The following CNTNAP3B variants were observed in gnomAD, a reference collection of about 807,000 sequenced individuals.
CNTNAP3B encodes the protein contactin associated protein family member 3B, also known as contactin-associated protein-like 3B.
Under a neutral mutation model 108.9 loss-of-function variants are expected in CNTNAP3B, and 25 were observed. The observed-to-expected ratio is 0.23, with a 90% CI of 0.17 to 0.32. The LOEUF (loss-of-function observed/expected upper bound fraction) is 0.32, where lower values mean the gene tolerates loss of function less well. Ranked by LOEUF, CNTNAP3B falls within the 10% of genes least tolerant of loss-of-function variation. CNTNAP3B has a pLI of 1.00. For missense variants in CNTNAP3B, 252 were observed against 1,210.4 expected (o/e 0.21, Z 11.75); for synonymous variants, 103 against 473.4 (o/e 0.22, Z 10.16).
chr9:41,956,309 C>G (rs1473532765), intron 12 of CNTNAP3B, among the ~76,000 whole-genome samples: 4 of 151,656 alleles, frequency 2.6e-5, no homozygotes, highest in African/African-American at 9.7e-5. Flanking sequence ...TCATTTGAAC[C>G]CGGGAGGTGG....
intron 12 of CNTNAP3B, among the ~76,000 whole-genome samples, chr9:41,959,787 T>C (rs1293361198): frequency 2.6e-5 from 4 of 152,424 alleles, no homozygotes; most frequent in East Asian, 1.9e-4. Flanking sequence ...TTATCCTTGA[T>C]GCTTGCTGAC....
In CNTNAP3B at chr9:41,944,641, G is replaced by A. The variant is rs1335956923; in HGVS notation, c.2081-6241C>T. ...AATTCAGGAAAAAAAGAAGAAACAA[G>A]GGCAACAAATAAAAAAGAGTTACAA... is the stretch of plus-strand genomic sequence containing the variant. On this transcript the variant is annotated intron_variant, in intron 13 of 23. Transcript: ENST00000377561. Among the ~76,000 whole-genome samples, 27 of 151,620 alleles carry A rather than the reference G, an allele frequency of 1.8e-4. No individual in the cohort carries two copies. In the East Asian group the frequency reaches 4.3e-3, roughly 24 times the overall value.
chr9:41,954,146 G>T (rs1224651525), intron 12 of CNTNAP3B, among the ~76,000 whole-genome samples: 265 of 152,184 alleles, frequency 1.7e-3, no homozygotes, highest in African/African-American at 5.6e-3. Context: ...GGTGCTGTCT[G>T]GTCCTTTAAC....
At chr9:41,942,634 A>AT (rs1458399766) in intron 13 of CNTNAP3B, among the ~76,000 whole-genome samples, 11 of 150,642 alleles carry the variant, frequency 7.3e-5, no homozygotes, top group African/African-American at 2.7e-4. Flanking sequence ...AAATAAAAAC[A>AT]TTAAAAAAAA....
At chr9:42,035,427 G>C (rs1485673736) in intron 3 of CNTNAP3B, among the ~76,000 whole-genome samples, 1 of 145,842 alleles carries the variant, frequency 6.9e-6, no homozygotes, top group Admixed American at 6.8e-5. Flanking sequence ...CCTAACCTCA[G>C]GTTCCTAACT....
chr9:42,127,049 A>G (rs28667376), intron 1 of CNTNAP3B, among the ~76,000 whole-genome samples: 59,707 of 136,776 alleles, frequency 0.44, 17,490 homozygotes, highest in East Asian at 0.67. Flanking sequence ...AGGTGGTATA[A>G]TTATTATAGT....
chr9:42,115,388 A>G (rs1303526056), intron 1 of CNTNAP3B, among the ~76,000 whole-genome samples: 1 of 135,808 alleles, frequency 7.4e-6, no homozygotes, highest in Non-Finnish European at 1.6e-5. Flanking sequence ...ATGGAGTTTG[A>G]GATCTGAGAA....
chr9:42,114,938 C>G lies in CNTNAP3B; in HGVS notation c.86-10199G>C, dbSNP rs1306243321. 1.5e-5 allele frequency among the ~76,000 whole-genome samples: 2 copies of G among 135,170 alleles called. 1 individual carries two copies. The highest frequency in any genetic ancestry group is 6.0e-5 in the African/African-American group (2 of 33,582). 88.7% of individuals were successfully genotyped at this position (135,170 alleles called of 152,430 possible). A position where few individuals can be genotyped will look rare whatever the true frequency, so the allele number is the denominator to read the frequency against. ...GCATGGTAGCGGGAACTTGCAATCC[C>G]AGCTACTCGGGAGGCTGAGGCAGGA... On this transcript the variant is annotated intron_variant, in intron 1 of 23. Coordinates refer to ENST00000377561, the MANE Select transcript of CNTNAP3B (RefSeq NM_001201380.3).
At position 42,126,543 on chromosome 9, in the gene CNTNAP3B, C is replaced by T. The variant is rs536878965; in HGVS notation, c.85+2467G>A. Among the ~76,000 whole-genome samples the T allele has an allele frequency of 4.6e-4, 64 of 137,752 alleles. 6 individuals are homozygous for T. The highest frequency in any genetic ancestry group is 5.3e-4 in the Non-Finnish European group (34 of 64,576). The allele number at this position is 137,752 out of a possible 152,430, so 90.4% of individuals were successfully genotyped here. On this transcript the variant is annotated intron_variant, in intron 1 of 23. Coordinates refer to ENST00000377561, the MANE Select transcript of CNTNAP3B (RefSeq NM_001201380.3). ...CATTCAGATAAACTGCACATAATCCCCAAAATGCCAAATGTTTAGAGAGCT... is the reference window on the plus strand; with the variant it reads ...CATTCAGATAAACTGCACATAATCCTCAAAATGCCAAATGTTTAGAGAGCT...
At chr9:41,952,913 A>C (rs992292023) in intron 13 of CNTNAP3B, among the ~76,000 whole-genome samples, 1 of 151,928 alleles carries the variant, frequency 6.6e-6, no homozygotes, top group Non-Finnish European at 1.5e-5. Context: ...AAGCTAAGGC[A>C]TAAGTTATTA....
intron 9 of CNTNAP3B, chr9:41,979,705 A>G (rs1326202486): frequency 1.2e-5 from 1 of 80,556 alleles, no homozygotes; most frequent in African/African-American, 4.5e-5. Flanking sequence ...TCAGCCTCCC[A>G]AGTAGCTGGG....
intron 1 of CNTNAP3B, among the ~76,000 whole-genome samples, chr9:42,110,930 C>T (rs1828182403): frequency 7.1e-6 from 1 of 140,144 alleles, no homozygotes; most frequent in Non-Finnish European, 1.5e-5. Flanking sequence ...TCACAGTGAA[C>T]ATAAGCAGTG....
rs1216743129 is a variant in CNTNAP3B at position 41,934,156 on chromosome 9, T to TACAC, written c.2237+4084_2237+4087dup. On this transcript the variant is annotated intron_variant, in intron 14 of 23. Coordinates refer to ENST00000377561, the MANE Select transcript of CNTNAP3B (RefSeq NM_001201380.3). ...ATATATATATACACACACATATATA[T>TACAC]ACACACACACACATATATATACACA... 2.3e-5 allele frequency among the ~76,000 whole-genome samples: 3 copies of TACAC among 130,770 alleles called. No individual in the cohort carries two copies. The East Asian group carries it at 6.1e-4, about 27-fold the overall frequency. 85.8% of individuals were successfully genotyped at this position (130,770 alleles called of 152,430 possible).
intron 3 of CNTNAP3B, among the ~76,000 whole-genome samples, chr9:42,018,896 T>C (rs1459600792): frequency 1.3e-3 from 195 of 150,266 alleles, no homozygotes; most frequent in African/African-American, 4.2e-3. Context: ...CTCTAAACTC[T>C]TAGCATAGGA....
chr9:41,954,523 GA>G (rs1302353920), intron 12 of CNTNAP3B, among the ~76,000 whole-genome samples: 3 of 152,384 alleles, frequency 2.0e-5, no homozygotes, highest in African/African-American at 7.2e-5. Flanking sequence ...CACAAGTACA[GA>G]AAAAAATCTG....
In CNTNAP3B at chr9:42,055,397, G is replaced by A. The variant is rs1361237261; in HGVS notation, c.390+21472C>T. Among the ~76,000 whole-genome samples the A allele has an allele frequency of 4.4e-3, 612 of 140,034 alleles. 1 individual carries two copies. The highest frequency in any genetic ancestry group is 0.017 in the African/African-American group (582 of 34,590). The allele number at this position is 140,034 out of a possible 152,430, so 91.9% of individuals were successfully genotyped here. The stretch of plus-strand genomic sequence containing the variant: ...ATATCTTGAAGTTCATTCACAGCAA[G>A]TATGTTTACCTCATTATTTCTCAAG... On this transcript the variant is annotated intron_variant, in intron 3 of 23. Transcript: ENST00000377561.
chr9:42,063,107 T>A (rs1827202491), intron 3 of CNTNAP3B, among the ~76,000 whole-genome samples: 1 of 111,478 alleles, frequency 9.0e-6, no homozygotes, highest in Non-Finnish European at 1.9e-5. Flanking sequence ...TGACTTAAAC[T>A]TTTTGTACTT....
At chr9:41,955,636 A>T in intron 12 of CNTNAP3B, among the ~76,000 whole-genome samples, 1 of 152,256 alleles carries the variant, frequency 6.6e-6, no homozygotes, top group Non-Finnish European at 1.5e-5. Context: ...GCTCAAGTGA[A>T]TTGGACCTGA....
rs1265646407 is a variant in CNTNAP3B at position 42,034,223 on chromosome 9, A to G, written c.391-20698T>C. ...CTATCTATCTATCTATTTCTCATCT[A>G]TACATAATAACTCTCCTTCTTAGAG... On this transcript the variant is annotated intron_variant, in intron 3 of 23. Coordinates refer to ENST00000377561, the MANE Select transcript of CNTNAP3B (RefSeq NM_001201380.3). 2.4e-4 allele frequency among the ~76,000 whole-genome samples: 20 copies of G among 84,402 alleles called. 4 individuals carry two copies. Among genetic ancestry groups the G allele is most frequent in the African/African-American group, 5.5e-4 (13 of 23,640 alleles). The allele number at this position is 84,402 out of a possible 152,430, so 55.4% of individuals were successfully genotyped here.
Sources: gnomAD v4.1 joint callset for allele counts (sites outside exome capture counted in the v4.1 genomes callset) on GRCh38, gnomAD v4.1.1 for gene constraint, MANE v1.5 for transcripts, NCBI Gene and HGNC (gene_info 2026-07-23, HGNC 2026-07-21) for gene names.